Variants in ATOSA observed in about 807,000 individuals in gnomAD.
The protein encoded by ATOSA is atos homolog protein A.
the ATOSA span, among the ~76,000 whole-genome samples, chr15:52,671,105 T>A: frequency 3.3e-5 from 5 of 152,298 alleles, no homozygotes; most frequent in South Asian, 1.0e-3. Context: ...CTAGCAAATG[T>A]CTGTGTATGA....
At chr15:52,623,261 T>G in the ATOSA span, among the ~76,000 whole-genome samples, 5 of 152,008 alleles carry the variant, frequency 3.3e-5, no homozygotes, top group Admixed American at 2.0e-4. Context: ...GGGGAGCCAT[T>G]AGAGGGTTTT....
chr15:52,601,727 C>G, the ATOSA span, among the ~76,000 whole-genome samples: 1 of 151,618 alleles, frequency 6.6e-6, no homozygotes, highest in African/African-American at 2.4e-5. Context: ...AAAACACCAC[C>G]TAGCTCAAAA....
the ATOSA span, among the ~76,000 whole-genome samples, chr15:52,588,077 C>A: frequency 2.0e-5 from 3 of 152,108 alleles, no homozygotes; most frequent in East Asian, 3.8e-4. Context: ...TATCAGGAGT[C>A]CTCCAGTTAG....
chr15:52,617,079 T>C, the ATOSA span, among the ~76,000 whole-genome samples: 2 of 152,196 alleles, frequency 1.3e-5, no homozygotes, highest in Non-Finnish European at 2.9e-5. Flanking sequence ...TATTGAGTGA[T>C]GGGCTGAATT....
the ATOSA span, among the ~76,000 whole-genome samples, chr15:52,637,668 T>C: frequency 6.6e-6 from 1 of 152,210 alleles, no homozygotes; most frequent in South Asian, 2.1e-4. Context: ...TATAATTATA[T>C]TGGATTAAAT....
chr15:52,672,822 T>G, the ATOSA span, among the ~76,000 whole-genome samples: 1 of 152,210 alleles, frequency 6.6e-6, no homozygotes, highest in Non-Finnish European at 1.5e-5. Context: ...TTTAGTCCAC[T>G]GAATCATTTC....
At chr15:52,615,810 C>G in the ATOSA span, among the ~76,000 whole-genome samples, 8 of 152,208 alleles carry the variant, frequency 5.3e-5, no homozygotes, top group African/African-American at 1.9e-4. Context: ...TAACTTATCA[C>G]TGTCAGTTCT....
chr15:52,697,256 T>G, the ATOSA span, among the ~76,000 whole-genome samples: 1 of 152,232 alleles, frequency 6.6e-6, no homozygotes, highest in African/African-American at 2.4e-5. Flanking sequence ...TGGAAACTCT[T>G]GCTTCATCTT....
chr15:52,640,734 T>C, the ATOSA span, among the ~76,000 whole-genome samples: 1 of 151,948 alleles, frequency 6.6e-6, no homozygotes, highest in South Asian at 2.1e-4. Flanking sequence ...GAAAACAAAG[T>C]GAGCAAACTA....
chr15:52,675,496 T>A, the ATOSA span, among the ~76,000 whole-genome samples: 1 of 152,256 alleles, frequency 6.6e-6, no homozygotes, highest in South Asian at 2.1e-4. Flanking sequence ...CTTTAACTCT[T>A]TGAAGCACAG....
the ATOSA span, among the ~76,000 whole-genome samples, chr15:52,673,388 T>C: frequency 7.2e-5 from 11 of 152,242 alleles, no homozygotes; most frequent in African/African-American, 2.7e-4. Context: ...TAAGAGCATA[T>C]GCTCAAGTTC....
At chr15:52,612,497 C>T in the ATOSA span, among the ~76,000 whole-genome samples, 1 of 122,708 alleles carries the variant, frequency 8.1e-6, no homozygotes, top group African/African-American at 3.1e-5. Context: ...TCAAAATAAA[C>T]AAGATCTTTT....
the ATOSA span, among the ~76,000 whole-genome samples, chr15:52,605,451 G>C: frequency 6.6e-6 from 1 of 152,134 alleles, no homozygotes; most frequent in East Asian, 1.9e-4. Flanking sequence ...TGATTTTGGA[G>C]TATTTGCATC....
chr15:52,599,827 T>A, the ATOSA span, among the ~76,000 whole-genome samples: 1 of 152,126 alleles, frequency 6.6e-6, no homozygotes, highest in African/African-American at 2.4e-5. Flanking sequence ...TAGACCCAAT[T>A]TTACCAAGTA....
the ATOSA span, chr15:52,656,611 A>G: frequency 1.3e-5 from 2 of 152,104 alleles, no homozygotes; most frequent in African/African-American, 4.8e-5. Context: ...AAGATCTTGG[A>G]AAGAAGAAAA....
the ATOSA span, chr15:52,652,006 T>C: frequency 3.3e-6 from 5 of 1,526,146 alleles, no homozygotes; most frequent in Non-Finnish European, 4.4e-6. Flanking sequence ...AAACAAATGT[T>C]CAGCGTTGGG....
chr15:52,581,973 G>T, the ATOSA span: 1 of 503,502 alleles, frequency 2.0e-6, no homozygotes, highest in East Asian at 3.5e-5. Context: ...ATTAGGACAT[G>T]AGTTTTTCCA....
the ATOSA span, among the ~76,000 whole-genome samples, chr15:52,694,243 C>T: frequency 4.0e-5 from 6 of 151,318 alleles, no homozygotes; most frequent in East Asian, 1.9e-4. Context: ...CTCAGCTCAC[C>T]GCAACCTCCT....
the ATOSA span, among the ~76,000 whole-genome samples, chr15:52,634,758 T>C: frequency 1.3e-5 from 2 of 151,958 alleles, no homozygotes; most frequent in Admixed American, 6.6e-5. Flanking sequence ...CATGCCACCA[T>C]GCCCAGCTAA....
Sources: gnomAD v4.1 joint callset for allele counts (sites outside exome capture counted in the v4.1 genomes callset) on GRCh38, gnomAD v4.1.1 for gene constraint, MANE v1.5 for transcripts, NCBI Gene and HGNC (gene_info 2026-07-23, HGNC 2026-07-21) for gene names.